C17orf67: variants seen among roughly 807,000 people sequenced by gnomAD.
C17orf67 encodes chromosome 17 open reading frame 67.
A neutral mutation model predicts 11.2 loss-of-function variants in C17orf67; 12 were observed. The observed-to-expected ratio is 1.07, with a 90% CI of 0.68 to 1.73. C17orf67 has a LOEUF of 1.73. Ranked by LOEUF, C17orf67 falls within the 40% of genes most tolerant of loss-of-function variation. The pLI, the probability that C17orf67 is intolerant of heterozygous loss-of-function variation, is 0.00. For synonymous variants in C17orf67, 59 were observed against 46.9 expected (o/e 1.26, Z -1.05); for missense variants, 115 against 113.5 (o/e 1.01, Z -0.06).
intron 2 of C17orf67, 84 bp downstream of exon 2, chr17:56,832,814 C>A (rs994528704): frequency 1.3e-5 from 2 of 152,164 alleles, no homozygotes; most frequent in African/African-American, 4.8e-5. Context: ...TAGTGTCTAG[C>A]TTTATCTTCT....
chr17:56,817,464 AT>A (rs920174546), intron 4 of C17orf67, among the ~76,000 whole-genome samples: 21 of 150,042 alleles, frequency 1.4e-4, no homozygotes, highest in South Asian at 4.2e-4. Flanking sequence ...ATATAAGTAA[AT>A]TTTTTTTTTG....
At chr17:56,828,173 G>A (rs1207891983) in intron 2 of C17orf67, among the ~76,000 whole-genome samples, 1 of 150,254 alleles carries the variant, frequency 6.7e-6, no homozygotes, top group Non-Finnish European at 1.5e-5. Flanking sequence ...TGGGAGGACA[G>A]GGTGGGTGGA....
At chr17:56,832,707 C>T (rs1906250902) in intron 2 of C17orf67, among the ~76,000 whole-genome samples, 191 bp downstream of exon 2, 1 of 152,230 alleles carries the variant, frequency 6.6e-6, no homozygotes, top group Non-Finnish European at 1.5e-5. Context: ...CCCTCTTAAA[C>T]ACCTAGTCAC....
chr17:56,808,711 T>A (rs116203067), intron 6 of C17orf67, among the ~76,000 whole-genome samples: 85 of 152,362 alleles, frequency 5.6e-4, no homozygotes, highest in African/African-American at 2.0e-3. Flanking sequence ...TCTAGCCCTT[T>A]GTGTGCACGG....
At chr17:56,810,130 AC>A (rs1229577363) in intron 6 of C17orf67, among the ~76,000 whole-genome samples, 1 of 101,742 alleles carries the variant, frequency 9.8e-6, no homozygotes, top group Admixed American at 1.0e-4. Flanking sequence ...CACTCCTTGC[AC>A]AGACCCCTCA....
intron 7 of C17orf67, among the ~76,000 whole-genome samples, chr17:56,794,800 C>T (rs1416434985): frequency 2.0e-5 from 3 of 152,202 alleles, no homozygotes; most frequent in Non-Finnish European, 4.4e-5. Flanking sequence ...GGTCACGTCC[C>T]TCCCCATTCG....
rs1360910796 is a variant in C17orf67 at position 56,831,807 on chromosome 17, C to T, written c.-557+1091G>A. ...ACGTACGACTGATGAAGATCCCCTC[C>T]TTGACCAAGCTCTAGCCAGGCTTCC... On this transcript the variant is annotated intron_variant, in intron 2 of 7. Coordinates refer to ENST00000397861, the MANE Select transcript of C17orf67 (RefSeq NM_001085430.4). Among the ~76,000 whole-genome samples, 4 of 152,136 alleles carry T rather than the reference C, an allele frequency of 2.6e-5. 1 individual carries two copies. The highest frequency in any genetic ancestry group is 5.9e-5 in the Non-Finnish European group (4 of 68,004).
chr17:56,806,338 G>A (rs962311642), intron 6 of C17orf67, among the ~76,000 whole-genome samples: 3 of 152,046 alleles, frequency 2.0e-5, no homozygotes, highest in African/African-American at 7.2e-5. Flanking sequence ...TAGTACGTGT[G>A]AAAGGTTTAA....
chr17:56,810,382 C>A (rs1303054011), intron 6 of C17orf67, among the ~76,000 whole-genome samples: 2 of 148,294 alleles, frequency 1.3e-5, no homozygotes, highest in Non-Finnish European at 3.0e-5. Context: ...CTCACACACA[C>A]AAACCCCTCA....
chr17:56,800,223 AC>A (rs1905289287), intron 6 of C17orf67, among the ~76,000 whole-genome samples: 1 of 151,404 alleles, frequency 6.6e-6, no homozygotes, highest in South Asian at 2.1e-4. Context: ...CCACCATCAC[AC>A]CCGGCTAATT....
intron 6 of C17orf67, among the ~76,000 whole-genome samples, chr17:56,808,321 G>A (rs1257763896): frequency 6.6e-6 from 1 of 152,206 alleles, no homozygotes; most frequent in Non-Finnish European, 1.5e-5. Flanking sequence ...TAAACTCAGT[G>A]TCCAGAGTTA....
chr17:56,804,906 A>G (rs994870628), intron 6 of C17orf67, among the ~76,000 whole-genome samples: 1 of 152,240 alleles, frequency 6.6e-6, no homozygotes, highest in African/African-American at 2.4e-5. Context: ...AAGTGAGGCG[A>G]TAGAAAATAT....
At chr17:56,821,880 G>T (rs1454995856) in intron 4 of C17orf67, among the ~76,000 whole-genome samples, 1 of 152,216 alleles carries the variant, frequency 6.6e-6, no homozygotes, top group African/African-American at 2.4e-5. Context: ...ACTAACAAGG[G>T]TGTGAAATGG....
At chr17:56,818,146 T>A (rs1236390282) in intron 4 of C17orf67, among the ~76,000 whole-genome samples, 2 of 149,868 alleles carry the variant, frequency 1.3e-5, no homozygotes, top group African/African-American at 4.9e-5. Flanking sequence ...GTGCAGCTAG[T>A]AGCATTATTT....
Position 56,815,780 on chromosome 17 carries a change from G to A in C17orf67, c.31C>T (p.Leu11Phe), listed in dbSNP as rs929907432. The change falls in exon 5 of 8, where the codon CTT becomes TTT. Residue 11 changes from leucine to phenylalanine, a missense_variant. Physicochemically the swap from Leu to Phe is conservative, Grantham distance 22. Coordinates refer to ENST00000397861, the MANE Select transcript of C17orf67 (RefSeq NM_001085430.4). MKTLPVLVLSLTLLTVFSETS... is the reference protein window; with the variant it reads MKTLPVLVLSFTLLTVFSETS... ...CCTGAGAAGACAGTCAGTAAGGTAAGAGACAGCACGAGCACAGGCAATGTC... is the reference window on the plus strand; with the variant it reads ...CCTGAGAAGACAGTCAGTAAGGTAAAAGACAGCACGAGCACAGGCAATGTC... 6.2e-7 allele frequency: 1 copy of A among 1,613,710 alleles called. No homozygotes were observed. Among genetic ancestry groups the A allele is most frequent in the African/African-American group, 1.3e-5 (1 of 75,022 alleles).
chr17:56,797,568 G>A (rs550529549), intron 6 of C17orf67, among the ~76,000 whole-genome samples: 2 of 152,142 alleles, frequency 1.3e-5, no homozygotes, highest in East Asian at 1.9e-4. Context: ...GAGAAAAACC[G>A]CGTCCATACC....
chr17:56,814,927 A>G lies in C17orf67; in HGVS notation c.98T>C (p.Leu33Pro). 1 of 1,614,126 alleles carries G rather than the reference A, an allele frequency of 6.2e-7. No individual in the cohort carries two copies. The highest frequency in any genetic ancestry group is 8.5e-7 in the Non-Finnish European group (1 of 1,180,000). ...TGGTCTATCCTGTCGCCGAGATCTT[A>G]GGAGCTGTTTGGCCTGCTTCTCTGT... ...ILTEKQAKQL[L>P]RSRRQDRPSK... Residue 33 changes from leucine to proline, a missense_variant, in exon 6 of 8, where the codon CTA becomes CCA. Coordinates refer to ENST00000397861, the MANE Select transcript of C17orf67 (RefSeq NM_001085430.4).
At chr17:56,830,599 A>T (rs1315079438) in intron 2 of C17orf67, among the ~76,000 whole-genome samples, 6 of 152,168 alleles carry the variant, frequency 3.9e-5, no homozygotes, top group African/African-American at 1.4e-4. Context: ...ATCTCCTCTC[A>T]ATTAGCCACC....
chr17:56,803,985 G>C (rs1246894099), intron 6 of C17orf67: 2 of 152,234 alleles, frequency 1.3e-5, no homozygotes, highest in African/African-American at 4.8e-5. Flanking sequence ...GGCTGAGTTA[G>C]AAATGGCCCA....
Sources: gnomAD v4.1 joint callset for allele counts (sites outside exome capture counted in the v4.1 genomes callset) on GRCh38, gnomAD v4.1.1 for gene constraint, MANE v1.5 for transcripts, NCBI Gene and HGNC (gene_info 2026-07-23, HGNC 2026-07-21) for gene names.